Variants in TMTC2 observed in about 807,000 individuals in gnomAD.
TMTC2 encodes the protein protein O-mannosyl-transferase TMTC2.
Under a neutral mutation model 82.4 loss-of-function variants are expected in TMTC2, and 43 were observed. The ratio of observed to expected loss-of-function variants is 0.52; its 90% CI spans 0.41 to 0.67. TMTC2 has a LOEUF of 0.67. Among genes scored for constraint, TMTC2 ranks in the 30% least tolerant of loss-of-function variants. The probability of loss-of-function intolerance (pLI) is 0.00; values close to 1 mark genes in which losing one functional copy is unlikely to be tolerated. For synonymous variants in TMTC2, 408 were observed against 381.9 expected, an observed-to-expected ratio of 1.07 and a Z score of -0.80; for missense variants, 919 against 1,012.4, an observed-to-expected ratio of 0.91 and a Z score of 1.25.
intron 3 of TMTC2, among the ~76,000 whole-genome samples, chr12:82,921,790 A>G (rs994091760): frequency 1.3e-5 from 2 of 151,886 alleles, no homozygotes; most frequent in South Asian, 4.1e-4. Flanking sequence ...ATCTATAGAC[A>G]TACTCTGTTA....
At chr12:82,739,514 G>A (rs571452647) in intron 1 of TMTC2, among the ~76,000 whole-genome samples, 2 of 152,114 alleles carry the variant, frequency 1.3e-5, no homozygotes, top group Admixed American at 1.3e-4. Context: ...CAAGGTAGAT[G>A]GAGTATGGGT....
chr12:82,739,403 GTTGTTTCTTT>G (rs1450239181), intron 1 of TMTC2, among the ~76,000 whole-genome samples: 6 of 151,992 alleles, frequency 3.9e-5, no homozygotes, highest in Non-Finnish European at 7.4e-5. Flanking sequence ...CTTGATTGCT[GTTGTTTCTTT>G]TCCTGTTTCC....
At chr12:82,974,682 T>G (rs960687622) in intron 7 of TMTC2, among the ~76,000 whole-genome samples, 2 of 152,208 alleles carry the variant, frequency 1.3e-5, no homozygotes, top group Non-Finnish European at 2.9e-5. Flanking sequence ...AAGTTTTACC[T>G]GACAGAGGAG....
At chr12:82,793,824 G>A (rs1592526820) in intron 1 of TMTC2, among the ~76,000 whole-genome samples, 1 of 152,064 alleles carries the variant, frequency 6.6e-6, no homozygotes. Flanking sequence ...ACTGCAGCGT[G>A]TAAAGGCTCA....
intron 10 of TMTC2, among the ~76,000 whole-genome samples, chr12:83,054,997 G>A (rs1329635483): frequency 2.0e-5 from 3 of 151,922 alleles, no homozygotes; most frequent in Non-Finnish European, 4.4e-5. Flanking sequence ...AGTGGGGTTG[G>A]GAGCTCTACT....
At chr12:83,114,442 C>G (rs1325275872) in intron 11 of TMTC2, among the ~76,000 whole-genome samples, 1 of 152,080 alleles carries the variant, frequency 6.6e-6, no homozygotes, top group African/African-American at 2.4e-5. Context: ...GTTTAAGCCA[C>G]CCAGTTTTGA....
At chr12:82,826,692 C>A (rs1456576135) in intron 1 of TMTC2, among the ~76,000 whole-genome samples, 6 of 152,122 alleles carry the variant, frequency 3.9e-5, no homozygotes, top group African/African-American at 1.4e-4. Flanking sequence ...TTTTTTTCCC[C>A]TCTTGTTGAA....
chr12:82,806,113 G>A (rs1879229535), intron 1 of TMTC2, among the ~76,000 whole-genome samples: 1 of 152,100 alleles, frequency 6.6e-6, no homozygotes, highest in Admixed American at 6.5e-5. Context: ...GGGAAGCACT[G>A]GGAGGAATTG....
chr12:82,799,356 C>T lies in TMTC2; in HGVS notation c.84-57654C>T, dbSNP rs191124327. ...TTTTCCAGAAGTAAGAAGTGAGCTTCGCATATTAAGGAGCATTTCCTAGGG... is the reference window on the plus strand; with the variant it reads ...TTTTCCAGAAGTAAGAAGTGAGCTTTGCATATTAAGGAGCATTTCCTAGGG... On this transcript the variant is annotated intron_variant, in intron 1 of 11. Transcript: ENST00000321196. 5.9e-5 allele frequency among the ~76,000 whole-genome samples: 9 copies of T among 152,132 alleles called. No homozygotes were observed. In the East Asian group the frequency reaches 1.2e-3, roughly 20 times the overall value.
intron 4 of TMTC2, among the ~76,000 whole-genome samples, chr12:82,955,397 A>G (rs1022842633): frequency 6.6e-6 from 1 of 152,170 alleles, no homozygotes; most frequent in Non-Finnish European, 1.5e-5. Flanking sequence ...GCTCTGTCCA[A>G]TCCACTGTTA....
intron 2 of TMTC2, 52 bp from the exon 3 acceptor site, chr12:82,895,766 C>G: frequency 6.8e-7 from 1 of 1,468,434 alleles, no homozygotes; most frequent in South Asian, 1.3e-5. Flanking sequence ...TAAGTGTTCC[C>G]ATGCTGTACT....
At chr12:82,722,566 C>A (rs1485618919) in intron 1 of TMTC2, among the ~76,000 whole-genome samples, 73 of 44,372 alleles carry the variant, frequency 1.6e-3, no homozygotes, top group East Asian at 2.6e-3. Context: ...GACTCCATCT[C>A]AAAAAAAAAA....
intron 3 of TMTC2, among the ~76,000 whole-genome samples, chr12:82,915,589 G>C (rs1285695255): frequency 6.6e-6 from 1 of 152,202 alleles, no homozygotes; most frequent in African/African-American, 2.4e-5. Flanking sequence ...AGATAAAACA[G>C]ATGTGGTTTG....
intron 8 of TMTC2, among the ~76,000 whole-genome samples, chr12:82,991,926 A>C (rs576617645): frequency 3.9e-5 from 6 of 152,304 alleles, no homozygotes; most frequent in African/African-American, 1.4e-4. Context: ...TGAGCCAATA[A>C]AATTAATATT....
At chr12:83,016,608 T>C (rs1184666153) in intron 8 of TMTC2, among the ~76,000 whole-genome samples, 1 of 152,228 alleles carries the variant, frequency 6.6e-6, no homozygotes, top group Admixed American at 6.5e-5. Flanking sequence ...GCCAGGCATA[T>C]AGTAGGTACT....
intron 1 of TMTC2, among the ~76,000 whole-genome samples, chr12:82,824,844 T>G (rs539764852): frequency 1.4e-4 from 21 of 152,212 alleles, no homozygotes; most frequent in Admixed American, 4.6e-4. Flanking sequence ...ATCCCAGCAC[T>G]TTGGGAGTCC....
intron 4 of TMTC2, among the ~76,000 whole-genome samples, chr12:82,939,335 T>C (rs999915354): frequency 6.6e-5 from 10 of 152,178 alleles, no homozygotes; most frequent in Middle Eastern, 3.2e-3. Context: ...CTTTTACTTA[T>C]AGCATTTAGT....
At chr12:82,785,360 C>A (rs1878127653) in intron 1 of TMTC2, among the ~76,000 whole-genome samples, 1 of 145,808 alleles carries the variant, frequency 6.9e-6, no homozygotes, top group African/African-American at 2.6e-5. Context: ...CAAACAACCC[C>A]CCCCCGTCCC....
At chr12:82,942,202 T>C (rs1876760726) in intron 4 of TMTC2, among the ~76,000 whole-genome samples, 1 of 152,266 alleles carries the variant, frequency 6.6e-6, no homozygotes, top group South Asian at 2.1e-4. Context: ...AATATGTTAC[T>C]TAAATGGATA....
Sources: allele counts gnomAD v4.1 joint callset (sites outside exome capture counted in the v4.1 genomes callset), GRCh38; gene constraint gnomAD v4.1.1; transcripts MANE v1.5; gene names NCBI Gene and HGNC (gene_info 2026-07-23, HGNC 2026-07-21).